The following CADM1 variants were observed in gnomAD, a reference collection of about 807,000 sequenced individuals.
CADM1 encodes TSLC-1.
CADM1 carries 15 observed loss-of-function variants against 53.1 expected under a neutral mutation model. The observed-to-expected ratio is 0.28, with a 90% confidence interval of 0.19 to 0.44. The LOEUF (loss-of-function observed/expected upper bound fraction) is 0.44, where lower values mean the gene tolerates loss of function less well. Ranked by LOEUF, CADM1 falls within the 20% of genes least tolerant of loss-of-function variation. CADM1 has a pLI of 1.00. For missense variants in CADM1, 434 were observed against 611.3 expected (o/e 0.71, Z 3.06); for synonymous variants, 281 against 243.0 (o/e 1.16, Z -1.45).
chr11:115,294,721 C>G (rs1944001268), intron 1 of CADM1, among the ~76,000 whole-genome samples: 1 of 151,962 alleles, frequency 6.6e-6, no homozygotes, highest in African/African-American at 2.4e-5. Flanking sequence ...TTGTGATAAG[C>G]CTCCTCACTC....
chr11:115,197,313 C>A (rs1479611474), intron 9 of CADM1, among the ~76,000 whole-genome samples: 3 of 152,176 alleles, frequency 2.0e-5, no homozygotes, highest in Non-Finnish European at 4.4e-5. Context: ...ATTAACATGG[C>A]AGGGTTGGCT....
At chr11:115,395,006 C>G (rs1946958273) in intron 1 of CADM1, among the ~76,000 whole-genome samples, 1 of 152,060 alleles carries the variant, frequency 6.6e-6, no homozygotes, top group Non-Finnish European at 1.5e-5. Context: ...GGAAGGGGCA[C>G]AACAGATTTA....
At position 115,367,132 on chromosome 11, in the gene CADM1, T is replaced by G. The variant is rs142987095; in HGVS notation, c.125-126712A>C. ...CAGAGGCTGAGGCAGGAGGATAGCA[T>G]GAGCCCCGGAGTTCGAGGCTGCAGT... On this transcript the variant is annotated intron_variant, in intron 1 of 11. Coordinates refer to ENST00000331581, the MANE Select transcript of CADM1 (RefSeq NM_001301043.2). 1.5e-3 allele frequency among the ~76,000 whole-genome samples: 221 copies of G among 152,366 alleles called. 3 individuals are homozygous for G. The East Asian group carries it at 0.031, about 21-fold the overall frequency.
intron 1 of CADM1, among the ~76,000 whole-genome samples, chr11:115,452,432 C>T (rs1000494377): frequency 1.3e-5 from 2 of 152,144 alleles, no homozygotes; most frequent in African/African-American, 2.4e-5. Context: ...AGATCAGAAG[C>T]GTTTTAATGA....
rs183785479 is a variant in CADM1 at position 115,284,984 on chromosome 11, C to T, written c.125-44564G>A. Among the ~76,000 whole-genome samples, 8 of 152,270 alleles carry T rather than the reference C, an allele frequency of 5.3e-5. No individual in the cohort carries two copies. In the East Asian group the frequency reaches 1.2e-3, roughly 22 times the overall value. On this transcript the variant is annotated intron_variant, in intron 1 of 11. Coordinates refer to ENST00000331581, the MANE Select transcript of CADM1 (RefSeq NM_001301043.2). ...CAGCTGGTTCAGTGAGTCAATCCAACGAAGCATTCACCCTCAGCCTCTGAC... is the reference window on the plus strand; with the variant it reads ...CAGCTGGTTCAGTGAGTCAATCCAATGAAGCATTCACCCTCAGCCTCTGAC...
intron 1 of CADM1, among the ~76,000 whole-genome samples, chr11:115,372,862 A>T (rs1364421486): frequency 3.3e-5 from 5 of 152,206 alleles, no homozygotes; most frequent in Non-Finnish European, 5.9e-5. Flanking sequence ...GGATGAAAGA[A>T]GGCATAACCT....
chr11:115,428,201 T>A (rs2135287997), intron 1 of CADM1, among the ~76,000 whole-genome samples: 1 of 152,224 alleles, frequency 6.6e-6, no homozygotes, highest in Middle Eastern at 3.4e-3. Flanking sequence ...ATCATTAGAT[T>A]GTAATCTTAT....
intron 10 of CADM1, among the ~76,000 whole-genome samples, chr11:115,189,903 G>A (rs141546559): frequency 1.7e-3 from 254 of 152,310 alleles, no homozygotes; most frequent in African/African-American, 5.9e-3. Context: ...TCAGAAGCAC[G>A]TAGTTGGCAA....
At chr11:115,218,225 A>G (rs919958852) in intron 5 of CADM1, 15 of 513,686 alleles carry the variant, frequency 2.9e-5, no homozygotes, top group African/African-American at 2.9e-4. Flanking sequence ...ACTGCGCCAC[A>G]TCAAACATTT....
chr11:115,302,213 T>C (rs1008505002), intron 1 of CADM1, among the ~76,000 whole-genome samples: 4 of 152,020 alleles, frequency 2.6e-5, no homozygotes, highest in South Asian at 4.1e-4. Context: ...TTAGGCTTAA[T>C]ACTGGGGTGA....
chr11:115,280,676 G>A (rs1943562578), intron 1 of CADM1, among the ~76,000 whole-genome samples: 1 of 152,200 alleles, frequency 6.6e-6, no homozygotes, highest in Non-Finnish European at 1.5e-5. Flanking sequence ...CTACGACTCA[G>A]ATCTTCACAG....
intron 1 of CADM1, among the ~76,000 whole-genome samples, chr11:115,315,778 A>G (rs1944651161): frequency 6.6e-6 from 1 of 152,206 alleles, no homozygotes; most frequent in Non-Finnish European, 1.5e-5. Context: ...GAAAAAGAGG[A>G]AAAGTTTCTC....
chr11:115,238,471 C>A (rs779552544), intron 3 of CADM1, 29 bp downstream of exon 3: 1 of 1,612,660 alleles, frequency 6.2e-7, no homozygotes, highest in Non-Finnish European at 8.5e-7. Flanking sequence ...ATTCCATTTC[C>A]CCGGGTAAGC....
intron 1 of CADM1, among the ~76,000 whole-genome samples, chr11:115,401,557 G>A (rs142501089): frequency 0.012 from 1,857 of 152,030 alleles, 42 homozygotes; most frequent in African/African-American, 0.041. Context: ...GCAGCGAGCC[G>A]AGATTGTGCC....
In CADM1 at chr11:115,170,090, C is replaced by G. The variant is rs746011528; in HGVS notation, c.*6384G>C. The G allele has an allele frequency of 6.3e-6, 1 of 159,160 alleles. No homozygotes were observed. Among genetic ancestry groups the G allele is most frequent in the Non-Finnish European group, 1.4e-5 (1 of 71,992 alleles). 9.9% of individuals were successfully genotyped at this position (159,160 alleles called of 1,614,324 possible). A position where few individuals can be genotyped will look rare whatever the true frequency, so the allele number is the denominator to read the frequency against. On this transcript the variant is annotated 3_prime_UTR_variant, in exon 12 of 12. Coordinates refer to ENST00000331581, the MANE Select transcript of CADM1 (RefSeq NM_001301043.2). ...TCCTGCTGGTAACAGCAAGTTTAAGCCTGGTGATTAATTAACCTGAGAAGA... is the reference window on the plus strand; with the variant it reads ...TCCTGCTGGTAACAGCAAGTTTAAGGCTGGTGATTAATTAACCTGAGAAGA...
intron 1 of CADM1, among the ~76,000 whole-genome samples, chr11:115,433,979 C>A (rs888235905): frequency 6.6e-6 from 1 of 152,158 alleles, no homozygotes; most frequent in East Asian, 1.9e-4. Flanking sequence ...CCTGCCAGCA[C>A]TTCAAATAAG....
chr11:115,214,372 T>C, intron 7 of CADM1: 1 of 546,342 alleles, frequency 1.8e-6, no homozygotes, highest in Non-Finnish European at 3.3e-6. Context: ...GCTTTCCTTC[T>C]CAGCATGACC....
chr11:115,492,249 A>G (rs924385811), intron 1 of CADM1, among the ~76,000 whole-genome samples: 10 of 152,192 alleles, frequency 6.6e-5, no homozygotes, highest in African/African-American at 2.2e-4. Context: ...GTGAAAGTTT[A>G]AGAGAATAGA....
At chr11:115,396,644 A>C (rs1178048382) in intron 1 of CADM1, 1 of 152,232 alleles carries the variant, frequency 6.6e-6, no homozygotes, top group Non-Finnish European at 1.5e-5. Flanking sequence ...TCTGTCCTGC[A>C]GTGAAGTCAC....
Sources: gnomAD v4.1 joint callset for allele counts (sites outside exome capture counted in the v4.1 genomes callset) on GRCh38, gnomAD v4.1.1 for gene constraint, MANE v1.5 for transcripts, NCBI Gene and HGNC (gene_info 2026-07-23, HGNC 2026-07-21) for gene names.